The following PEPD variants were observed in gnomAD, a reference collection of about 807,000 sequenced individuals.
PEPD encodes peptidase D.
Under a neutral mutation model 60.7 loss-of-function variants are expected in PEPD, and 53 were observed. That is an observed-to-expected ratio of 0.87 (90% CI 0.70 to 1.10). The LOEUF is 1.10. Among genes scored for constraint, PEPD ranks in the 50% least tolerant of loss-of-function variants. PEPD has a pLI of 0.00. For synonymous variants in PEPD, 267 were observed against 284.1 expected, an observed-to-expected ratio of 0.94 and a Z score of 0.60; for missense variants, 711 against 711.9, an observed-to-expected ratio of 1.00 and a Z score of 0.01.
At chr19:33,521,143 C>A (rs1304890868) in intron 1 of PEPD, among the ~76,000 whole-genome samples, 1 of 152,232 alleles carries the variant, frequency 6.6e-6, no homozygotes, top group Non-Finnish European at 1.5e-5. Flanking sequence ...CTACTGTGTG[C>A]AAGGCACCGG....
intron 1 of PEPD, among the ~76,000 whole-genome samples, chr19:33,517,558 C>CA (rs1192856289): frequency 3.4e-5 from 5 of 146,888 alleles, no homozygotes; most frequent in Admixed American, 6.8e-5. Flanking sequence ...GACTCCGTTT[C>CA]AAAAAAAACA....
intron 11 of PEPD, 134 bp from the exon 12 acceptor site, chr19:33,402,003 C>T (rs966376536): frequency 1.3e-5 from 11 of 822,914 alleles, no homozygotes; most frequent in South Asian, 2.9e-5. Context: ...ACAATGAGAC[C>T]GGTGTGGGGA....
chr19:33,507,019 C>T (rs1252398258), intron 3 of PEPD, among the ~76,000 whole-genome samples: 1 of 151,738 alleles, frequency 6.6e-6, no homozygotes, highest in African/African-American at 2.4e-5. Context: ...ATGCACCACA[C>T]CACACACAGG....
chr19:33,430,041 G>T (rs1969236828), intron 9 of PEPD, among the ~76,000 whole-genome samples: 1 of 152,226 alleles, frequency 6.6e-6, no homozygotes, highest in Non-Finnish European at 1.5e-5. Context: ...CGCTGGCTGA[G>T]AACATGGCTT....
rs118124947 is a variant in PEPD at position 33,499,970 on chromosome 19, T to C, written c.393+968A>G. On this transcript the variant is annotated intron_variant, in intron 4 of 14. Coordinates refer to ENST00000244137, the MANE Select transcript of PEPD (RefSeq NM_000285.4). ...CGTCATCTTCAACCAGGCTGTGTCC[T>C]GCCCAGGGGAAGGGGGAAGCTGCTT... Among the ~76,000 whole-genome samples the C allele has an allele frequency of 5.2e-3, 790 of 152,350 alleles. 1 individual carries two copies. Among genetic ancestry groups the C allele is most frequent in the Non-Finnish European group, 8.8e-3 (596 of 68,024 alleles).
intron 13 of PEPD, among the ~76,000 whole-genome samples, chr19:33,390,746 C>T (rs1406739618): frequency 6.6e-6 from 1 of 152,206 alleles, no homozygotes; most frequent in Non-Finnish European, 1.5e-5. Context: ...GCCAACGGGC[C>T]CCAGAATGCC....
intron 9 of PEPD, among the ~76,000 whole-genome samples, chr19:33,428,140 T>G (rs1969190210): frequency 6.6e-6 from 1 of 152,222 alleles, no homozygotes; most frequent in Non-Finnish European, 1.5e-5. Context: ...CTCGCCAGCC[T>G]GCACACACTC....
rs139632740 is a variant in PEPD, at chr19:33,418,980, A to T, written c.672-5337T>A. Among the ~76,000 whole-genome samples, 350 of 152,334 alleles carry T rather than the reference A, an allele frequency of 2.3e-3. 2 individuals carry two copies. Among genetic ancestry groups the T allele is most frequent in the African/African-American group, 8.0e-3 (331 of 41,578 alleles). On this transcript the variant is annotated intron_variant, in intron 9 of 14. Coordinates refer to ENST00000244137, the MANE Select transcript of PEPD (RefSeq NM_000285.4). The stretch of plus-strand genomic sequence containing the variant: ...GCACCAACATGGCAGCGTCAGACAC[A>T]GGCCGTCTGCAGCAGATGCGGTGCT...
chr19:33,390,450 ACCCTG>A (rs1033348589), intron 13 of PEPD, among the ~76,000 whole-genome samples: 6 of 152,124 alleles, frequency 3.9e-5, no homozygotes, highest in Non-Finnish European at 7.4e-5. Flanking sequence ...CACTGCCCCC[ACCCTG>A]CCAAAAAATC....
At chr19:33,417,980 C>T (rs182243735) in intron 9 of PEPD, among the ~76,000 whole-genome samples, 4 of 152,336 alleles carry the variant, frequency 2.6e-5, no homozygotes, top group African/African-American at 7.2e-5. Flanking sequence ...TACCGGGACA[C>T]GTGCGCACAG....
In PEPD at chr19:33,448,795, G is replaced by A. The variant is rs1969641579; in HGVS notation, c.671+14200C>T. ...TGGAAATTCCAGCCCACGGTTACCAGCTACTCTGATTTTCAGGAAAAGCCA... is the reference window on the plus strand; with the variant it reads ...TGGAAATTCCAGCCCACGGTTACCAACTACTCTGATTTTCAGGAAAAGCCA... On this transcript the variant is annotated intron_variant, in intron 9 of 14. Transcript: ENST00000244137. Among the ~76,000 whole-genome samples, 3 of 152,232 alleles carry A rather than the reference G, an allele frequency of 2.0e-5. No individual in the cohort carries two copies. In the South Asian group the frequency reaches 6.2e-4, roughly 32 times the overall value.
At position 33,463,034 on chromosome 19, in the gene PEPD, T is replaced by C; in HGVS notation, c.632A>G (p.Lys211Arg). The change falls in exon 9 of 15, where the codon AAG becomes AGG. Residue 211 changes from lysine to arginine, a missense_variant. Transcript: ENST00000244137. The stretch of plus-strand genomic sequence containing the variant: ...TTCTTTCATTCCCACTTTTACAGCC[T>C]TCATTACCTGGAGGACGGATATTAA... ...ISSEAHREVM[K>R]AVKVGMKEYE... The C allele has an allele frequency of 6.3e-7, 1 of 1,586,830 alleles. No individual in the cohort carries two copies. The highest frequency in any genetic ancestry group is 1.7e-5 in the Admixed American group (1 of 59,994).
intron 1 of PEPD, among the ~76,000 whole-genome samples, chr19:33,514,146 G>A (rs1970984265): frequency 6.6e-6 from 1 of 152,178 alleles, no homozygotes; most frequent in Non-Finnish European, 1.5e-5. Flanking sequence ...ATGAGGTGGA[G>A]GAGGAGTAAG....
rs879023049 is a variant in PEPD at position 33,387,111 on chromosome 19, G to A, written c.*233C>T. ...GCATTATTTTCAATCATTTTAAGTC[G>A]CTCATTTAATAAGCAAGGTATAAAA... On this transcript the variant is annotated 3_prime_UTR_variant, in exon 15 of 15. Transcript: ENST00000244137. 1.6e-5 allele frequency: 9 copies of A among 562,246 alleles called. No homozygotes were observed. The highest frequency in any genetic ancestry group is 2.5e-5 in the Non-Finnish European group (8 of 316,180). The allele number at this position is 562,246 out of a possible 1,614,324, so 34.8% of individuals were successfully genotyped here.
At chr19:33,453,071 C>T (rs928667555) in intron 9 of PEPD, among the ~76,000 whole-genome samples, 25 of 152,164 alleles carry the variant, frequency 1.6e-4, no homozygotes, top group African/African-American at 5.1e-4. Context: ...CCTATAATCC[C>T]GGCACTTCGG....
intron 9 of PEPD, among the ~76,000 whole-genome samples, chr19:33,456,502 C>T (rs1326969165): frequency 3.3e-5 from 5 of 152,222 alleles, no homozygotes; most frequent in Admixed American, 3.3e-4. Flanking sequence ...CAAGCAAGTG[C>T]TAGCAGCAAA....
Position 33,512,690 on chromosome 19 carries a change from C to G in PEPD, c.104G>C (p.Arg35Pro). Residue 35 changes from arginine (R) to proline (P), a missense_variant, in exon 2 of 15, where the codon CGG becomes CCG. Physicochemically the swap from Arg to Pro is moderately radical, Grantham distance 103. Coordinates refer to ENST00000244137, the MANE Select transcript of PEPD (RefSeq NM_000285.4). ...LNRQRLCERLRKNPAVQAGSI... is the reference protein window; with the variant it reads ...LNRQRLCERLPKNPAVQAGSI... ...GCCGGCCTGCACAGCAGGGTTCTTC[C>G]GCAGCCGCTCACACAGGCGCTGCCG... The G allele has an allele frequency of 6.2e-7, 1 of 1,614,046 alleles. No homozygotes were observed. Among genetic ancestry groups the G allele is most frequent in the African/African-American group, 1.3e-5 (1 of 75,070 alleles).
chr19:33,500,564 T>A (rs947562638), intron 4 of PEPD, among the ~76,000 whole-genome samples: 1 of 152,132 alleles, frequency 6.6e-6, no homozygotes, highest in Admixed American at 6.5e-5. Context: ...GCATCTGCAG[T>A]CAACCAGGGC....
At chr19:33,517,484 G>A (rs1971043942) in intron 1 of PEPD, among the ~76,000 whole-genome samples, 1 of 151,280 alleles carries the variant, frequency 6.6e-6, no homozygotes, top group South Asian at 2.1e-4. Flanking sequence ...ACTTGAATCT[G>A]GGAGGCGGAG....
Sources: gnomAD v4.1 joint callset for allele counts (sites outside exome capture counted in the v4.1 genomes callset) on GRCh38, gnomAD v4.1.1 for gene constraint, MANE v1.5 for transcripts, NCBI Gene and HGNC (gene_info 2026-07-23, HGNC 2026-07-21) for gene names.